Variants in PDE4D observed in about 807,000 individuals in gnomAD.
PDE4D encodes the protein phosphodiesterase 4D.
A neutral mutation model predicts 87.4 loss-of-function variants in PDE4D; 24 were observed. That is an observed-to-expected ratio of 0.27 (90% CI 0.20 to 0.39). The LOEUF (loss-of-function observed/expected upper bound fraction) is 0.39, where lower values mean the gene tolerates loss of function less well. Among genes scored for constraint, PDE4D ranks in the 10% least tolerant of loss-of-function variants. The pLI, the probability that PDE4D is intolerant of heterozygous loss-of-function variation, is 1.00. For synonymous variants in PDE4D, 384 were observed against 383.2 expected, an observed-to-expected ratio of 1.00 and a Z score of -0.02; for missense variants, 714 against 1,041.0, an observed-to-expected ratio of 0.69 and a Z score of 4.32.
chr5:59,469,648 A>G (rs905763348), intron 1 of PDE4D, among the ~76,000 whole-genome samples: 1 of 152,148 alleles, frequency 6.6e-6, no homozygotes, highest in African/African-American at 2.4e-5. Context: ...CAGTTACCAA[A>G]AGCCAAAGAA....
At chr5:59,180,149 G>C (rs747867480) in intron 5 of PDE4D, among the ~76,000 whole-genome samples, 5 of 152,028 alleles carry the variant, frequency 3.3e-5, no homozygotes, top group Non-Finnish European at 7.4e-5. Flanking sequence ...TGGACTACTG[G>C]TACAATGTTG....
chr5:60,046,419 G>A (rs190031259), intron 2 of PDE4D, among the ~76,000 whole-genome samples: 60 of 152,332 alleles, frequency 3.9e-4, no homozygotes, highest in Middle Eastern at 3.4e-3. Flanking sequence ...TAGGAGGGGT[G>A]AGAGAAGGCA....
At chr5:59,788,602 A>G (rs1765431509) in intron 1 of PDE4D, among the ~76,000 whole-genome samples, 1 of 152,218 alleles carries the variant, frequency 6.6e-6, no homozygotes, top group Non-Finnish European at 1.5e-5. Context: ...AATGAGACCT[A>G]ATAAGCCTTG....
rs189886659 is a variant in PDE4D at position 60,050,445 on chromosome 5, C to T, written c.43-61728G>A. Among the ~76,000 whole-genome samples the T allele has an allele frequency of 3.9e-4, 60 of 152,050 alleles. 2 individuals carry two copies. The South Asian group carries it at 8.3e-3, about 21-fold the overall frequency. On this transcript the variant is annotated intron_variant, in intron 2 of 16. Coordinates refer to the PDE4D transcript ENST00000502484. ...ATATCCAGCCAAACTAAGCTTCAAA[C>T]GTGAAGGAGAAATAAAATCCTTTAC... is the stretch of plus-strand genomic sequence containing the variant.
intron 1 of PDE4D, among the ~76,000 whole-genome samples, chr5:59,428,276 A>G (rs1318586509): frequency 1.3e-5 from 2 of 152,082 alleles, no homozygotes; most frequent in Admixed American, 1.3e-4. Flanking sequence ...TTGATTTCCT[A>G]CTTCATTTTC....
chr5:59,259,935 T>C (rs114777307), intron 1 of PDE4D, among the ~76,000 whole-genome samples: 5,151 of 151,930 alleles, frequency 0.034, 315 homozygotes, highest in African/African-American at 0.12. Context: ...AATTAGAAAC[T>C]GTGAGGATTA....
intron 1 of PDE4D, among the ~76,000 whole-genome samples, chr5:60,414,565 T>C (rs1264997541): frequency 6.6e-6 from 1 of 152,232 alleles, no homozygotes; most frequent in African/African-American, 2.4e-5. Context: ...ATCAGCAAAG[T>C]ATTGCTTTCA....
intron 1 of PDE4D, among the ~76,000 whole-genome samples, chr5:59,651,130 C>A (rs1743406464): frequency 6.6e-6 from 1 of 151,570 alleles, no homozygotes; most frequent in Admixed American, 6.6e-5. Flanking sequence ...GTGGCAGGAG[C>A]CTGTAGTCCC....
chr5:60,115,188 A>T (rs1405195546), intron 2 of PDE4D, among the ~76,000 whole-genome samples: 4 of 152,106 alleles, frequency 2.6e-5, no homozygotes, highest in Non-Finnish European at 1.5e-5. Context: ...TTAACATAAA[A>T]GAATTTCCAA....
chr5:59,771,454 A>AAAGAAAGAAAGAGAGAG (rs1763454174), intron 1 of PDE4D, among the ~76,000 whole-genome samples: 1 of 77,706 alleles, frequency 1.3e-5, no homozygotes, highest in African/African-American at 6.2e-5. Flanking sequence ...AGAAAGAAAG[A>AAAGAAAGAAAGAGAGAG]AAGAAAGAAA....
At chr5:59,625,269 T>A (rs1169684840) in intron 1 of PDE4D, among the ~76,000 whole-genome samples, 1 of 152,176 alleles carries the variant, frequency 6.6e-6, no homozygotes, top group Non-Finnish European at 1.5e-5. Context: ...AAGAGTGGCC[T>A]CTAGAAGGTC....
chr5:59,204,317 CA>C, intron 2 of PDE4D, among the ~76,000 whole-genome samples: 1 of 151,840 alleles, frequency 6.6e-6, no homozygotes, highest in East Asian at 1.9e-4. Context: ...GCAACATAAG[CA>C]AAAAATAATC....
intron 4 of PDE4D, among the ~76,000 whole-genome samples, chr5:59,183,907 C>G (rs1347808528): frequency 6.6e-6 from 1 of 152,118 alleles, no homozygotes; most frequent in Non-Finnish European, 1.5e-5. Flanking sequence ...TGGGAACTGA[C>G]AGTGTTCAGG....
chr5:59,737,638 C>T (rs564878722), intron 1 of PDE4D, among the ~76,000 whole-genome samples: 3 of 151,990 alleles, frequency 2.0e-5, no homozygotes, highest in Non-Finnish European at 2.9e-5. Context: ...TTAGTCTTAT[C>T]TATAAAATTT....
intron 1 of PDE4D, among the ~76,000 whole-genome samples, chr5:59,697,781 G>A (rs1325041760): frequency 1.3e-5 from 2 of 152,170 alleles, no homozygotes; most frequent in African/African-American, 4.8e-5. Flanking sequence ...AACAGCCTAG[G>A]TAGGGGCTCA....
chr5:59,803,407 T>C (rs1377439372), intron 1 of PDE4D, among the ~76,000 whole-genome samples: 1 of 151,552 alleles, frequency 6.6e-6, no homozygotes, highest in African/African-American at 2.4e-5. Flanking sequence ...CAAGCGATTC[T>C]CCTGCCTCAG....
At chr5:59,695,668 C>T (rs1751668426) in intron 1 of PDE4D, among the ~76,000 whole-genome samples, 2 of 152,158 alleles carry the variant, frequency 1.3e-5, no homozygotes, top group South Asian at 2.1e-4. Flanking sequence ...GTGGTACAAA[C>T]ACAGTTCGCT....
At chr5:59,043,697 C>T (rs1445826967) in intron 5 of PDE4D, among the ~76,000 whole-genome samples, 2 of 151,858 alleles carry the variant, frequency 1.3e-5, no homozygotes, top group Non-Finnish European at 2.9e-5. Flanking sequence ...TAATGCTATC[C>T]CTCCCCCTTC....
At chr5:59,763,999 T>G (rs929704902) in intron 1 of PDE4D, among the ~76,000 whole-genome samples, 1 of 152,112 alleles carries the variant, frequency 6.6e-6, no homozygotes, top group Non-Finnish European at 1.5e-5. Context: ...GAGGAACCTT[T>G]TAGGAAAACC....
Sources: gnomAD v4.1 joint callset for allele counts (sites outside exome capture counted in the v4.1 genomes callset) on GRCh38, gnomAD v4.1.1 for gene constraint, MANE v1.5 for transcripts, NCBI Gene and HGNC (gene_info 2026-07-23, HGNC 2026-07-21) for gene names.